The following DAGLB variants were observed in gnomAD, a reference collection of about 807,000 sequenced individuals.
DAGLB encodes diacylglycerol lipase beta.
A neutral mutation model predicts 72.1 loss-of-function variants in DAGLB; 66 were observed. That is an observed-to-expected ratio of 0.92 (90% confidence interval 0.75 to 1.12). The LOEUF (loss-of-function observed/expected upper bound fraction) is 1.12, where lower values mean the gene tolerates loss of function less well. DAGLB is among the 50% of genes most tolerant of loss of function. DAGLB has a pLI of 0.00. For missense variants in DAGLB, 1,065 were observed against 884.9 expected (o/e 1.20, Z -2.58); for synonymous variants, 414 against 359.5 (o/e 1.15, Z -1.71).
intron 4 of DAGLB, among the ~76,000 whole-genome samples, chr7:6,433,866 A>AAGAC (rs1479252714): frequency 6.6e-6 from 1 of 152,040 alleles, no homozygotes; most frequent in Non-Finnish European, 1.5e-5. Flanking sequence ...AAAAAAAAAA[A>AAGAC]AAGACAATAT....
At chr7:6,440,828 C>A (rs1224454264) in intron 2 of DAGLB, among the ~76,000 whole-genome samples, 5 of 152,134 alleles carry the variant, frequency 3.3e-5, no homozygotes, top group African/African-American at 7.2e-5. Context: ...GAGATCCCAC[C>A]ACTGCACTCC....
Position 6,446,081 on chromosome 7 carries a change from T to C in DAGLB, c.119A>G (p.Tyr40Cys). Reference protein sequence around the residue: ...VLWWIGILTLYLMHRGKLDCA... With the variant: ...VLWWIGILTLCLMHRGKLDCA... ...GTCCAGCTTTCCTCTGTGCATGAGA[T>C]ACAACGTCAGAATGCCAATCCACCT... Residue 40 changes from tyrosine (Y) to cysteine (C), a missense_variant, in exon 2 of 15, where the codon TAT (tyrosine) becomes TGT (cysteine). By Grantham distance (194) the Tyr-to-Cys change is radical. Transcript: ENST00000297056. 1.5e-5 allele frequency: 24 copies of C among 1,585,270 alleles called. No homozygotes were observed. The highest frequency in any genetic ancestry group is 2.0e-5 in the Non-Finnish European group (23 of 1,170,382).
intron 2 of DAGLB, among the ~76,000 whole-genome samples, chr7:6,437,045 G>C (rs749612562): frequency 1.6e-4 from 24 of 151,588 alleles, no homozygotes; most frequent in Non-Finnish European, 2.7e-4. Flanking sequence ...AGCTACTTGC[G>C]AGGGAGGCTG....
In DAGLB at chr7:6,417,756, C is replaced by A. The variant is rs576092429; in HGVS notation, c.1219-835G>T. 7 of 152,292 alleles carry A rather than the reference C, an allele frequency of 4.6e-5. No homozygotes were observed. The South Asian group carries it at 1.2e-3, about 27-fold the overall frequency. The allele number at this position is 152,292 out of a possible 1,614,324, so 9.4% of individuals were successfully genotyped here. A position where few individuals can be genotyped will look rare whatever the true frequency, so the allele number is the denominator to read the frequency against. On this transcript the variant is annotated intron_variant, in intron 9 of 14. Coordinates refer to ENST00000297056, the MANE Select transcript of DAGLB (RefSeq NM_139179.4). Reference sequence around the variant, plus strand: ...TCCACGAAGTTCTGAATCAAAGACACTGATAAGCATCCACTGTTCCTGCAA... The same window carrying A: ...TCCACGAAGTTCTGAATCAAAGACAATGATAAGCATCCACTGTTCCTGCAA...
Position 6,410,135 on chromosome 7 carries a change from C to G in DAGLB, c.1815G>C (p.Ser605=), listed in dbSNP as rs148484155. The part of the protein sequence containing the change: ...RIIHLQEEGA[S]GRFGCCSAAH... ...ACCCACCACGCCGCACTCACCGCCC[C>G]GAGGCGCCCTCCTCCTGCAGGTGGA... Residue 605 remains serine (S), a synonymous_variant, in exon 14 of 15, where the codon TCG becomes TCC. Coordinates refer to ENST00000297056, the MANE Select transcript of DAGLB (RefSeq NM_139179.4). 7 of 1,572,224 alleles carry G rather than the reference C, an allele frequency of 4.5e-6. No homozygotes were observed. The South Asian group carries it at 5.9e-5, about 13-fold the overall frequency.
intron 7 of DAGLB, among the ~76,000 whole-genome samples, chr7:6,425,237 G>A (rs913050100): frequency 1.4e-4 from 22 of 152,282 alleles, no homozygotes; most frequent in South Asian, 1.0e-3. Flanking sequence ...GAGAGACAGC[G>A]AGCGACACTG....
At chr7:6,431,173 G>A (rs1416971434) in intron 5 of DAGLB, among the ~76,000 whole-genome samples, 1 of 151,764 alleles carries the variant, frequency 6.6e-6, no homozygotes, top group Admixed American at 6.6e-5. Flanking sequence ...ATGAGCCGGC[G>A]CTTCCTATCT....
chr7:6,437,216 G>C (rs1225857043), intron 2 of DAGLB, among the ~76,000 whole-genome samples: 1 of 150,976 alleles, frequency 6.6e-6, no homozygotes, highest in Non-Finnish European at 1.5e-5. Context: ...TGAGACAACA[G>C]GCACAAAACA....
intron 2 of DAGLB, among the ~76,000 whole-genome samples, chr7:6,438,390 T>C (rs1784730252): frequency 6.6e-6 from 1 of 151,814 alleles, no homozygotes. Context: ...ATAAATAAAA[T>C]ATTAGGCACT....
At chr7:6,418,643 C>G (rs143138213) in intron 9 of DAGLB, among the ~76,000 whole-genome samples, 2 of 150,660 alleles carry the variant, frequency 1.3e-5, no homozygotes, top group East Asian at 2.0e-4. Flanking sequence ...TTGATCATCT[C>G]TAATCCAACT....
chr7:6,415,058 G>A (rs1783857760), intron 11 of DAGLB, among the ~76,000 whole-genome samples: 1 of 149,030 alleles, frequency 6.7e-6, no homozygotes, highest in Non-Finnish European at 1.5e-5. Context: ...CTACTTGGGA[G>A]GCTGAGGCCG....
At chr7:6,421,972 G>T in intron 8 of DAGLB, 168 bp from the exon 9 acceptor site, 1 of 753,282 alleles carries the variant, frequency 1.3e-6, no homozygotes, top group Non-Finnish European at 2.3e-6. Context: ...ACCCAGCGGT[G>T]GCTCCTGAGG....
In DAGLB at chr7:6,421,640, G is replaced by A. The variant is rs147831503; in HGVS notation, c.1218+87C>T. The A allele has an allele frequency of 3.7e-4, 511 of 1,367,698 alleles. 8 individuals are homozygous for A. The East Asian group carries it at 0.011, about 28-fold the overall frequency. The allele number at this position is 1,367,698 out of a possible 1,614,324, so 84.7% of individuals were successfully genotyped here. A position where few individuals can be genotyped will look rare whatever the true frequency, so the allele number is the denominator to read the frequency against. ...AGGCAGCGCGGGAGGCGCAGGCAGC[G>A]CGGGCTCTGTGCAGTCCCTGACCCG... On this transcript the variant is annotated intron_variant, in intron 9 of 14. Coordinates refer to ENST00000297056, the MANE Select transcript of DAGLB (RefSeq NM_139179.4).
intron 2 of DAGLB, among the ~76,000 whole-genome samples, chr7:6,439,201 G>C (rs1267669260): frequency 1.3e-5 from 2 of 150,992 alleles, no homozygotes; most frequent in Non-Finnish European, 2.9e-5. Flanking sequence ...GTTGCAGTAA[G>C]CCAAGACTGT....
At chr7:6,432,748 A>C in intron 5 of DAGLB, 89 bp downstream of exon 5, 1 of 1,427,524 alleles carries the variant, frequency 7.0e-7, no homozygotes, top group East Asian at 2.8e-5. Context: ...GAAGGGAGGA[A>C]GAAATTGCTA....
chr7:6,418,586 T>C (rs1783995270), intron 9 of DAGLB, among the ~76,000 whole-genome samples: 1 of 152,094 alleles, frequency 6.6e-6, no homozygotes, highest in African/African-American at 2.4e-5. Context: ...GCTTCGATTC[T>C]AATAGGACGG....
intron 9 of DAGLB, among the ~76,000 whole-genome samples, chr7:6,421,308 CA>C (rs1784110583): frequency 2.9e-5 from 1 of 34,600 alleles, no homozygotes; most frequent in African/African-American, 5.3e-4. Flanking sequence ...CTGTGAGAAT[CA>C]GGCAGCGCGG....
intron 13 of DAGLB, 171 bp downstream of exon 13, chr7:6,412,640 T>G (rs1234754486): frequency 1.4e-6 from 1 of 731,590 alleles, no homozygotes; most frequent in Admixed American, 2.6e-5. Context: ...CCATTTGCTT[T>G]CTTAGACATC....
intron 2 of DAGLB, among the ~76,000 whole-genome samples, chr7:6,444,876 A>T (rs1784945342): frequency 6.6e-6 from 1 of 152,220 alleles, no homozygotes; most frequent in African/African-American, 2.4e-5. Flanking sequence ...ATGGCACTCC[A>T]GCCTGGGTGA....
Sources: allele counts gnomAD v4.1 joint callset (sites outside exome capture counted in the v4.1 genomes callset), GRCh38; gene constraint gnomAD v4.1.1; transcripts MANE v1.5; gene names NCBI Gene and HGNC (gene_info 2026-07-23, HGNC 2026-07-21).